Variants in XKRX observed in about 807,000 individuals in gnomAD.
XKRX encodes the protein XK-related protein 2.
Under a neutral mutation model 22.4 loss-of-function variants are expected in XKRX, and 11 were observed. The ratio of observed to expected loss-of-function variants is 0.49; its 90% CI spans 0.31 to 0.81. The LOEUF is 0.81. XKRX is among the 40% of genes least tolerant of loss of function. XKRX has a pLI of 0.05. For missense variants in XKRX, 320 were observed against 336.5 expected (o/e 0.95, Z 0.38); for synonymous variants, 114 against 132.2 (o/e 0.86, Z 0.94).
downstream of XKRX, among the ~76,000 whole-genome samples, chrX:100,912,270 T>C (rs1488203894): frequency 9.0e-6 from 1 of 111,677 alleles, no homozygotes. Flanking sequence ...GTGAGCTTTA[T>C]ATGACAATAA....
At chrX:100,951,675 A>C in the XKRX span, among the ~76,000 whole-genome samples, 2 of 111,635 alleles carry the variant, frequency 1.8e-5, no homozygotes, top group Middle Eastern at 4.6e-3. Flanking sequence ...AAATTGATAA[A>C]CCTCTAGAAA....
the XKRX span, among the ~76,000 whole-genome samples, chrX:100,955,280 T>C: frequency 8.9e-6 from 1 of 112,428 alleles, no homozygotes; most frequent in Non-Finnish European, 1.9e-5. Flanking sequence ...TATTGTACTA[T>C]AGTTACACAA....
chrX:100,907,330 G>A, the XKRX span, among the ~76,000 whole-genome samples: 1 of 110,710 alleles, frequency 9.0e-6, no homozygotes, highest in Non-Finnish European at 1.9e-5. Flanking sequence ...CAAGTAGCTG[G>A]GACGACAGGT....
the XKRX span, among the ~76,000 whole-genome samples, chrX:100,907,354 C>T: frequency 9.0e-6 from 1 of 110,851 alleles, no homozygotes; most frequent in African/African-American, 3.3e-5. Flanking sequence ...CACCACCATG[C>T]CTGACTGATT....
At chrX:100,944,313 G>A in the XKRX span, among the ~76,000 whole-genome samples, 1 of 112,033 alleles carries the variant, frequency 8.9e-6, no homozygotes, top group Non-Finnish European at 1.9e-5. Flanking sequence ...AATGAGGGTG[G>A]GAAGTGAACA....
the XKRX span, among the ~76,000 whole-genome samples, chrX:100,947,942 G>C: frequency 3.1e-5 from 3 of 97,832 alleles, 1 homozygote; most frequent in South Asian, 1.4e-3. Flanking sequence ...TGGCTCTTTT[G>C]CCCAGGCTGG....
chrX:100,921,978 C>G (rs946957151), intron 2 of XKRX, among the ~76,000 whole-genome samples: 2 of 107,788 alleles, frequency 1.9e-5, no homozygotes, highest in Non-Finnish European at 3.8e-5. Context: ...GGACTACAGG[C>G]GCCTGCCACC....
the XKRX span, among the ~76,000 whole-genome samples, chrX:100,944,043 A>G: frequency 8.9e-6 from 1 of 112,012 alleles, no homozygotes; most frequent in Non-Finnish European, 1.9e-5. Flanking sequence ...ACCAATTTAT[A>G]TAACCACCAA....
the XKRX span, among the ~76,000 whole-genome samples, chrX:100,889,754 G>A: frequency 1.3e-4 from 14 of 111,737 alleles, no homozygotes; most frequent in South Asian, 5.3e-3. Flanking sequence ...CTATAATCCC[G>A]GCAATGTGAG....
At chrX:100,956,618 T>TAA in the XKRX span, 2 of 524,037 alleles carry the variant, frequency 3.8e-6, no homozygotes, top group Non-Finnish European at 7.0e-6. Flanking sequence ...TATGAACTCT[T>TAA]TTTTAAGAAA....
chrX:100,926,115 C>T (rs2085496887), intron 1 of XKRX, among the ~76,000 whole-genome samples: 1 of 111,909 alleles, frequency 8.9e-6, no homozygotes, highest in Non-Finnish European at 1.9e-5. Flanking sequence ...TTTATCATCT[C>T]ACACAAGGCT....
At chrX:100,910,415 G>A (rs897183652), downstream of XKRX, among the ~76,000 whole-genome samples, 9 of 109,658 alleles carry the variant, frequency 8.2e-5, no homozygotes, top group Admixed American at 3.9e-4. Context: ...GAGAAACCCC[G>A]TCTCTACTAA....
upstream of XKRX, among the ~76,000 whole-genome samples, chrX:100,932,204 A>T (rs968609814): frequency 9.0e-6 from 1 of 111,309 alleles, no homozygotes; most frequent in Non-Finnish European, 1.9e-5. Flanking sequence ...TGCTGGGAGT[A>T]GCTAACTGAG....
chrX:100,919,941 A>G (rs1204974050), intron 2 of XKRX, among the ~76,000 whole-genome samples: 1 of 111,956 alleles, frequency 8.9e-6, no homozygotes, highest in African/African-American at 3.2e-5. Flanking sequence ...ATTTATAAAG[A>G]TGTTTACTGT....
chrX:100,958,586 A>T, the XKRX span, among the ~76,000 whole-genome samples: 6 of 112,303 alleles, frequency 5.3e-5, no homozygotes, highest in African/African-American at 1.9e-4. Context: ...CTCTGATTTG[A>T]GAAAAGAGAG....
At chrX:100,911,658 A>G (rs2085407491), downstream of XKRX, among the ~76,000 whole-genome samples, 1 of 112,344 alleles carries the variant, frequency 8.9e-6, no homozygotes, top group Admixed American at 9.4e-5. Flanking sequence ...GAAAGTAAGA[A>G]GAGAGTAGTC....
rs370618079 is a variant in XKRX at position 100,927,939 on chromosome X, G to A, written c.335+31C>T. On this transcript the variant is annotated intron_variant, in intron 1 of 2. Transcript: ENST00000372956. ...TGCCCAAGTCTGGGGTGGGGTTAGG[G>A]GGGTAAGGAAAAGATTTAAAAGTTG... 17 of 1,161,468 alleles carry A rather than the reference G, an allele frequency of 1.5e-5. No individual in the cohort carries two copies. The African/African-American group carries it at 2.0e-4, about 14-fold the overall frequency.
chrX:100,905,338 C>A, the XKRX span, among the ~76,000 whole-genome samples: 1 of 112,179 alleles, frequency 8.9e-6, no homozygotes, highest in African/African-American at 3.2e-5. Flanking sequence ...TCAAAGGCAT[C>A]TATCATAACT....
At chrX:100,948,413 T>C in the XKRX span, among the ~76,000 whole-genome samples, 1 of 111,073 alleles carries the variant, frequency 9.0e-6, no homozygotes, top group Non-Finnish European at 1.9e-5. Flanking sequence ...TGGGAAGACT[T>C]TGAAAGGTGG....
Sources: gnomAD v4.1 joint callset for allele counts (sites outside exome capture counted in the v4.1 genomes callset) on GRCh38, gnomAD v4.1.1 for gene constraint, MANE v1.5 for transcripts, NCBI Gene and HGNC (gene_info 2026-07-23, HGNC 2026-07-21) for gene names.